KCNB2: variants seen among roughly 807,000 people sequenced by gnomAD.
KCNB2 encodes the protein potassium voltage-gated channel subfamily B member 2.
KCNB2 carries 15 observed loss-of-function variants against 61.5 expected under a neutral mutation model. The ratio of observed to expected loss-of-function variants is 0.24; its 90% CI spans 0.16 to 0.38. KCNB2 has a LOEUF of 0.38. Among genes scored for constraint, KCNB2 ranks in the 10% least tolerant of loss-of-function variants. The probability of loss-of-function intolerance (pLI) is 1.00; values close to 1 mark genes in which losing one functional copy is unlikely to be tolerated. For missense variants in KCNB2, 828 were observed against 1,125.2 expected, an observed-to-expected ratio of 0.74 and a Z score of 3.78; for synonymous variants, 457 against 446.0, an observed-to-expected ratio of 1.02 and a Z score of -0.31.
Position 72,589,922 on chromosome 8 carries a change from A to G in KCNB2, c.579+21609A>G, listed in dbSNP as rs561536620. 2.6e-5 allele frequency among the ~76,000 whole-genome samples: 4 copies of G among 152,344 alleles called. No homozygotes were observed. In the East Asian group the frequency reaches 7.7e-4, roughly 29 times the overall value. ...CTGAGCATTTACATTCTGGAAATAC[A>G]GATTACTTTACTATAACTTATTTTC... On this transcript the variant is annotated intron_variant, in intron 2 of 2. Coordinates refer to ENST00000523207, the MANE Select transcript of KCNB2 (RefSeq NM_004770.3).
intron 2 of KCNB2, among the ~76,000 whole-genome samples, chr8:72,864,017 G>A (rs577725885): frequency 3.6e-4 from 55 of 152,234 alleles, no homozygotes; most frequent in African/African-American, 1.3e-3. Context: ...AAAGAGGGGA[G>A]GTGGGGGAAT....
intron 2 of KCNB2, chr8:72,875,187 G>A (rs1805683755): frequency 6.6e-6 from 1 of 152,208 alleles, no homozygotes; most frequent in Admixed American, 6.5e-5. Context: ...CGTAGGCTTG[G>A]ATGATGGATG....
At chr8:72,871,058 C>A (rs1046635176) in intron 2 of KCNB2, among the ~76,000 whole-genome samples, 2 of 152,122 alleles carry the variant, frequency 1.3e-5, no homozygotes, top group African/African-American at 4.8e-5. Flanking sequence ...CTGTTCCCCC[C>A]ACCAACGTAC....
intron 2 of KCNB2, among the ~76,000 whole-genome samples, chr8:72,842,001 AG>A (rs1348254890): frequency 6.6e-6 from 1 of 152,222 alleles, no homozygotes; most frequent in African/African-American, 2.4e-5. Context: ...CCTTGTCTTC[AG>A]CCAGTTTTCA....
At chr8:72,544,072 G>C (rs57279261) in intron 1 of KCNB2, among the ~76,000 whole-genome samples, 5,402 of 152,234 alleles carry the variant, frequency 0.035, 327 homozygotes, top group African/African-American at 0.12. Context: ...CATTTTCTAC[G>C]TGGGATAGTC....
chr8:72,611,494 A>G (rs1054330977), intron 2 of KCNB2, among the ~76,000 whole-genome samples: 3 of 152,268 alleles, frequency 2.0e-5, no homozygotes, highest in Middle Eastern at 3.4e-3. Context: ...TTAATCACCT[A>G]TGATGTTTGT....
At chr8:72,828,205 A>C (rs2129001626) in intron 2 of KCNB2, among the ~76,000 whole-genome samples, 1 of 152,338 alleles carries the variant, frequency 6.6e-6, no homozygotes, top group East Asian at 1.9e-4. Flanking sequence ...CATGGTCTTA[A>C]ATTACTATAG....
At chr8:72,709,019 A>G (rs1012975385) in intron 2 of KCNB2, among the ~76,000 whole-genome samples, 1 of 152,176 alleles carries the variant, frequency 6.6e-6, no homozygotes. Flanking sequence ...TTAAGGAGTC[A>G]CTAATAAAAA....
At chr8:72,568,811 G>C (rs1806666655) in intron 2 of KCNB2, among the ~76,000 whole-genome samples, 1 of 151,830 alleles carries the variant, frequency 6.6e-6, no homozygotes. Context: ...ACACACATGA[G>C]GAAGGGACTG....
intron 2 of KCNB2, among the ~76,000 whole-genome samples, chr8:72,702,488 G>A (rs996815342): frequency 4.6e-5 from 7 of 152,110 alleles, no homozygotes; most frequent in Non-Finnish European, 8.8e-5. Context: ...GTCCCCCAGA[G>A]TCTGGAAAAT....
chr8:72,895,983 A>C (rs759592495), intron 2 of KCNB2, among the ~76,000 whole-genome samples: 4 of 152,196 alleles, frequency 2.6e-5, no homozygotes, highest in African/African-American at 9.6e-5. Context: ...TTTACAGCTC[A>C]TAAAATTTGC....
At position 72,832,585 on chromosome 8, in the gene KCNB2, TGTAA is replaced by T. The variant is rs1440803640; in HGVS notation, c.580-103347_580-103344del. On this transcript the variant is annotated intron_variant, in intron 2 of 2. Coordinates refer to ENST00000523207, the MANE Select transcript of KCNB2 (RefSeq NM_004770.3). The stretch of plus-strand genomic sequence containing the variant: ...TAAGGGTTTGGAGACCTACATTATT[TGTAA>T]GTGTCAAGAGCTGTAAAGGGTCTGA... 4.6e-5 allele frequency among the ~76,000 whole-genome samples: 7 copies of T among 152,304 alleles called. No individual in the cohort carries two copies. In the South Asian group the frequency reaches 1.0e-3, roughly 23 times the overall value.
intron 2 of KCNB2, among the ~76,000 whole-genome samples, chr8:72,831,067 C>T (rs17187471): frequency 0.013 from 1,934 of 152,312 alleles, 18 homozygotes; most frequent in Non-Finnish European, 0.02. Context: ...CCCTCTTAAC[C>T]TTCTGCTTTA....
intron 1 of KCNB2, among the ~76,000 whole-genome samples, chr8:72,560,204 A>G (rs1264058004): frequency 6.6e-6 from 1 of 152,210 alleles, no homozygotes; most frequent in African/African-American, 2.4e-5. Context: ...TTACTACTAA[A>G]CATTTCAGAC....
At chr8:72,822,734 C>G (rs185796035) in intron 2 of KCNB2, among the ~76,000 whole-genome samples, 18 of 152,302 alleles carry the variant, frequency 1.2e-4, no homozygotes, top group Non-Finnish European at 2.4e-4. Flanking sequence ...AGAATAAAAT[C>G]TAAACTTAGG....
At chr8:72,875,419 G>C (rs1325633424) in intron 2 of KCNB2, among the ~76,000 whole-genome samples, 1 of 152,072 alleles carries the variant, frequency 6.6e-6, no homozygotes, top group Non-Finnish European at 1.5e-5. Context: ...AGATCCCCCA[G>C]GTGATTCAGA....
At chr8:72,707,941 T>G (rs937951872) in intron 2 of KCNB2, among the ~76,000 whole-genome samples, 1 of 151,974 alleles carries the variant, frequency 6.6e-6, no homozygotes, top group African/African-American at 2.4e-5. Context: ...AGAGGTGGTG[T>G]TTAGTTGCTC....
In KCNB2 at chr8:72,567,990, G is replaced by A. The variant is rs1563525443; in HGVS notation, c.256G>A (p.Glu86Lys). 1.9e-6 allele frequency: 3 copies of A among 1,614,022 alleles called. No individual in the cohort carries two copies. The highest frequency in any genetic ancestry group is 2.5e-6 in the Non-Finnish European group (3 of 1,180,034). ...VCDDYNLNENEYFFDRHPGAF... is the reference protein window; with the variant it reads ...VCDDYNLNENKYFFDRHPGAF... ...CGACGACTATAATCTGAACGAGAAC[G>A]AGTATTTCTTTGATCGGCATCCAGG... The change falls in exon 2 of 3, where the codon GAG becomes AAG. Residue 86 changes from glutamate to lysine, a missense_variant. Physicochemically the swap from Glu to Lys is moderately conservative, Grantham distance 56. Transcript: ENST00000523207.
intron 2 of KCNB2, among the ~76,000 whole-genome samples, chr8:72,829,354 G>C (rs1335328123): frequency 6.6e-6 from 1 of 152,166 alleles, no homozygotes; most frequent in Non-Finnish European, 1.5e-5. Context: ...GTAAATGGTA[G>C]ATACACTGGA....
Sources: gnomAD v4.1 joint callset for allele counts (sites outside exome capture counted in the v4.1 genomes callset) on GRCh38, gnomAD v4.1.1 for gene constraint, MANE v1.5 for transcripts, NCBI Gene and HGNC (gene_info 2026-07-23, HGNC 2026-07-21) for gene names.